The following PPP1R9A variants were observed in gnomAD, a reference collection of about 807,000 sequenced individuals.
The protein encoded by PPP1R9A is neurabin-1.
Under a neutral mutation model 141.9 loss-of-function variants are expected in PPP1R9A, and 59 were observed. The observed-to-expected ratio is 0.42, with a 90% CI of 0.34 to 0.52. PPP1R9A has a LOEUF of 0.52. Ranked by LOEUF, PPP1R9A falls within the 20% of genes least tolerant of loss-of-function variation. The pLI, the probability that PPP1R9A is intolerant of heterozygous loss-of-function variation, is 0.10. For missense variants in PPP1R9A, 1,444 were observed against 1,611.9 expected (o/e 0.90, Z 1.78); for synonymous variants, 500 against 569.7 (o/e 0.88, Z 1.74).
intron 2 of PPP1R9A, among the ~76,000 whole-genome samples, chr7:95,079,485 T>C (rs1815432056): frequency 6.6e-6 from 1 of 151,886 alleles, no homozygotes; most frequent in Admixed American, 6.6e-5. Flanking sequence ...ACCAGATGGA[T>C]TCACAGCCGA....
intron 2 of PPP1R9A, among the ~76,000 whole-genome samples, chr7:95,092,005 A>T (rs902660707): frequency 4.6e-5 from 7 of 152,082 alleles, no homozygotes; most frequent in Non-Finnish European, 8.8e-5. Context: ...TGAGATTTAA[A>T]TGAGACACCT....
chr7:95,190,516 A>G (rs1453480015), intron 5 of PPP1R9A, among the ~76,000 whole-genome samples: 1 of 152,204 alleles, frequency 6.6e-6, no homozygotes, highest in East Asian at 1.9e-4. Context: ...TGCCAGCAGT[A>G]AAGTTGTCAC....
intron 2 of PPP1R9A, among the ~76,000 whole-genome samples, chr7:95,015,457 A>G (rs111426408): frequency 0.022 from 3,403 of 152,222 alleles, 127 homozygotes; most frequent in African/African-American, 0.078. Flanking sequence ...ATCTCACTAG[A>G]TAGGCTTAAT....
chr7:94,936,068 G>T (rs1396644762), intron 2 of PPP1R9A, among the ~76,000 whole-genome samples: 2 of 152,150 alleles, frequency 1.3e-5, no homozygotes, highest in Non-Finnish European at 2.9e-5. Context: ...GCCCATTTGG[G>T]TAATCAAGTC....
intron 4 of PPP1R9A, chr7:95,156,519 GCATGAGGTA>G (rs1247211181): frequency 2.0e-5 from 3 of 152,618 alleles, no homozygotes; most frequent in Admixed American, 2.0e-4. Flanking sequence ...CAACTAGGAA[GCATGAGGTA>G]CAGAGCCAAG....
intron 5 of PPP1R9A, among the ~76,000 whole-genome samples, chr7:95,182,239 C>T (rs980265830): frequency 9.2e-5 from 14 of 151,968 alleles, no homozygotes; most frequent in African/African-American, 3.1e-4. Flanking sequence ...CACTTGGGAG[C>T]CAAGGCAAGA....
intron 4 of PPP1R9A, among the ~76,000 whole-genome samples, chr7:95,140,532 A>T (rs1267779860): frequency 6.6e-6 from 1 of 152,018 alleles, no homozygotes; most frequent in African/African-American, 2.4e-5. Context: ...CTGGGACTAC[A>T]GGCATGCCAT....
intron 8 of PPP1R9A, among the ~76,000 whole-genome samples, chr7:95,228,083 T>C (rs1284166835): frequency 6.6e-6 from 1 of 152,026 alleles, no homozygotes; most frequent in African/African-American, 2.4e-5. Flanking sequence ...AAACTTGGGG[T>C]GAGTGTGAAG....
intron 4 of PPP1R9A, among the ~76,000 whole-genome samples, chr7:95,128,526 C>T (rs1823981656): frequency 6.6e-6 from 1 of 151,924 alleles, no homozygotes; most frequent in Non-Finnish European, 1.5e-5. Flanking sequence ...AATTAGGTCC[C>T]ACTCATCAAT....
At chr7:95,127,519 TA>T (rs1000828785) in intron 4 of PPP1R9A, among the ~76,000 whole-genome samples, 1 of 151,516 alleles carries the variant, frequency 6.6e-6, no homozygotes, top group Non-Finnish European at 1.5e-5. Flanking sequence ...TTTTTTTTTT[TA>T]AACTTTTATT....
At chr7:95,045,507 C>G (rs1809881914) in intron 2 of PPP1R9A, among the ~76,000 whole-genome samples, 1 of 152,208 alleles carries the variant, frequency 6.6e-6, no homozygotes, top group Non-Finnish European at 1.5e-5. Flanking sequence ...GCTTTCTTCC[C>G]TTTTTCAGTG....
chr7:94,973,214 A>G (rs1340992857), intron 2 of PPP1R9A, among the ~76,000 whole-genome samples: 2 of 152,184 alleles, frequency 1.3e-5, no homozygotes, highest in East Asian at 1.9e-4. Context: ...CATAAAAATA[A>G]TGTGTTTTTA....
At chr7:95,044,417 C>A (rs1397278783) in intron 2 of PPP1R9A, among the ~76,000 whole-genome samples, 1 of 152,038 alleles carries the variant, frequency 6.6e-6, no homozygotes, top group East Asian at 1.9e-4. Flanking sequence ...TTTGCAAGAT[C>A]AGGAATATTA....
intron 4 of PPP1R9A, among the ~76,000 whole-genome samples, chr7:95,121,215 T>C (rs905287645): frequency 6.6e-6 from 1 of 152,160 alleles, no homozygotes; most frequent in Non-Finnish European, 1.5e-5. Flanking sequence ...ATGACACATG[T>C]AGATGGTAAG....
chr7:94,953,638 G>T (rs1796731506), intron 2 of PPP1R9A, among the ~76,000 whole-genome samples: 1 of 152,024 alleles, frequency 6.6e-6, no homozygotes. Flanking sequence ...ATTTCCTTGA[G>T]CAGTGGTTTG....
intron 2 of PPP1R9A, among the ~76,000 whole-genome samples, chr7:95,020,686 T>C (rs186076133): frequency 1.4e-4 from 22 of 152,294 alleles, no homozygotes; most frequent in Non-Finnish European, 2.8e-4. Context: ...AGCTCCCACT[T>C]ATGAGTGAGA....
chr7:95,047,802 A>G (rs1042540659), intron 2 of PPP1R9A, among the ~76,000 whole-genome samples: 5 of 152,142 alleles, frequency 3.3e-5, no homozygotes, highest in Non-Finnish European at 7.4e-5. Context: ...AGCTTTTTCT[A>G]TTAGGCCTTT....
intron 5 of PPP1R9A, among the ~76,000 whole-genome samples, chr7:95,178,699 T>G (rs1028822611): frequency 6.6e-5 from 10 of 152,084 alleles, no homozygotes; most frequent in African/African-American, 2.4e-4. Context: ...GGAGCTATTA[T>G]AACTGACACC....
chr7:94,930,258 TAG>T (rs1311564748), intron 2 of PPP1R9A, among the ~76,000 whole-genome samples: 1 of 151,990 alleles, frequency 6.6e-6, no homozygotes, highest in African/African-American at 2.4e-5. Context: ...TTTGGAGAAA[TAG>T]AGTTTGAGAA....
Sources: allele counts gnomAD v4.1 joint callset (sites outside exome capture counted in the v4.1 genomes callset), GRCh38; gene constraint gnomAD v4.1.1; transcripts MANE v1.5; gene names NCBI Gene and HGNC (gene_info 2026-07-23, HGNC 2026-07-21).